CNOT4: variants seen among roughly 807,000 people sequenced by gnomAD.
The protein encoded by CNOT4 is CCR4-NOT transcription complex subunit 4.
CNOT4 carries 8 observed loss-of-function variants against 73.8 expected under a neutral mutation model. The ratio of observed to expected loss-of-function variants is 0.11; its 90% confidence interval spans 0.06 to 0.20. The LOEUF is 0.20. Among genes scored for constraint, CNOT4 ranks in the 10% least tolerant of loss-of-function variants. CNOT4 has a pLI of 1.00. For synonymous variants in CNOT4, 293 were observed against 321.1 expected (o/e 0.91, Z 0.94); for missense variants, 564 against 883.4 (o/e 0.64, Z 4.58).
intron 1 of CNOT4, among the ~76,000 whole-genome samples, chr7:135,457,517 T>C (rs559330023): frequency 4.6e-5 from 7 of 152,080 alleles, no homozygotes; most frequent in Non-Finnish European, 1.0e-4. Context: ...CATTATTACA[T>C]GCTCAGCCTA....
intron 10 of CNOT4, among the ~76,000 whole-genome samples, chr7:135,366,305 T>C (rs1285272363): frequency 6.6e-6 from 1 of 152,236 alleles, no homozygotes. Context: ...ATAAATCTTA[T>C]TTGAAAATTA....
chr7:135,463,486 C>T (rs1463629099), intron 1 of CNOT4, among the ~76,000 whole-genome samples: 3 of 1,530 alleles, frequency 2.0e-3, no homozygotes, highest in South Asian at 0.013. Context: ...TGCAGTGAGC[C>T]GAGATCGCGC....
At chr7:135,388,554 G>T in intron 10 of CNOT4, 1 of 1,095,068 alleles carries the variant, frequency 9.1e-7, no homozygotes, top group South Asian at 4.0e-5. Context: ...TTATGAGTTA[G>T]AAATAGTATC....
chr7:135,508,668 GTCA>G (rs1432650999), intron 1 of CNOT4, among the ~76,000 whole-genome samples: 1 of 152,148 alleles, frequency 6.6e-6, no homozygotes, highest in African/African-American at 2.4e-5. Context: ...TAAATAAAAT[GTCA>G]TCAATTAAGC....
intron 1 of CNOT4, among the ~76,000 whole-genome samples, chr7:135,448,716 G>GTAT (rs1799984854): frequency 6.6e-6 from 1 of 152,040 alleles, no homozygotes; most frequent in Non-Finnish European, 1.5e-5. Flanking sequence ...CAGAAGGAAG[G>GTAT]TATAATGACA....
chr7:135,364,862 A>G lies in CNOT4; in HGVS notation c.1628-796T>C, dbSNP rs1794829316. ...TATAAATTGTGACTAAACTAACTTG[A>G]TCTACTACCATCCAGAATCCACATA... is the stretch of plus-strand genomic sequence containing the variant. On this transcript the variant is annotated intron_variant, in intron 10 of 11. Coordinates refer to ENST00000541284, the MANE Select transcript of CNOT4 (RefSeq NM_001190850.2). The surrounding 1 kb of genome is among the most constrained non-coding windows in gnomAD (Gnocchi z 4.3). Among the ~76,000 whole-genome samples, 1 of 152,248 alleles carries G rather than the reference A, an allele frequency of 6.6e-6. No homozygotes were observed. The highest frequency in any genetic ancestry group is 2.1e-4 in the South Asian group (1 of 4,828).
chr7:135,415,144 G>T (rs780648880), intron 4 of CNOT4, 32 bp downstream of exon 4: 1 of 1,300,764 alleles, frequency 7.7e-7, no homozygotes, highest in Non-Finnish European at 1.1e-6. Flanking sequence ...AGACCATAGG[G>T]AGGAAAAGCA....
chr7:135,401,566 T>A (rs1415800479), intron 7 of CNOT4, among the ~76,000 whole-genome samples: 2 of 152,184 alleles, frequency 1.3e-5, no homozygotes, highest in Non-Finnish European at 2.9e-5. Flanking sequence ...CATTCCATTT[T>A]CAATGGGAGA....
intron 1 of CNOT4, among the ~76,000 whole-genome samples, chr7:135,488,939 G>C (rs1015683577): frequency 1.3e-5 from 2 of 151,818 alleles, no homozygotes; most frequent in Non-Finnish European, 2.9e-5. Context: ...TTTAAAAAAA[G>C]GAAAAAGAAA....
chr7:135,394,291 C>T lies in CNOT4; in HGVS notation c.1254G>A (p.Leu418=), dbSNP rs1796562035. 4 of 1,614,030 alleles carry T rather than the reference C, an allele frequency of 2.5e-6. No individual in the cohort carries two copies. Among genetic ancestry groups the T allele is most frequent in the Non-Finnish European group, 3.4e-6 (4 of 1,180,032 alleles). Residue 418 remains leucine, a synonymous_variant, in exon 10 of 12, where the codon CTG becomes CTA. Transcript: ENST00000541284. ...CTTGAACGGACAGTTCCTTCTCAAT[C>T]AGGTCTGCTAAGGCTTTTCGAGTGA... is the stretch of plus-strand genomic sequence containing the variant. ...FDVTRKALAD[L]IEKELSVQDQ...
intron 7 of CNOT4, among the ~76,000 whole-genome samples, chr7:135,399,573 T>A (rs960255748): frequency 6.6e-6 from 1 of 151,992 alleles, no homozygotes; most frequent in Non-Finnish European, 1.5e-5. Context: ...AGGAAAAAAA[T>A]TAAGATTCCA....
At chr7:135,366,801 T>C (rs899942672) in intron 10 of CNOT4, among the ~76,000 whole-genome samples, 2 of 152,198 alleles carry the variant, frequency 1.3e-5, no homozygotes, top group African/African-American at 2.4e-5. Flanking sequence ...CTATGCCAAG[T>C]GCTGGCACAA....
intron 6 of CNOT4, among the ~76,000 whole-genome samples, chr7:135,411,309 G>A (rs915413556): frequency 6.6e-5 from 10 of 152,014 alleles, no homozygotes; most frequent in South Asian, 2.1e-4. Flanking sequence ...ACATGGTCAT[G>A]CCCATTCATT....
At chr7:135,374,625 A>C (rs1318575270) in intron 10 of CNOT4, among the ~76,000 whole-genome samples, 1 of 76,904 alleles carries the variant, frequency 1.3e-5, no homozygotes, top group Admixed American at 1.6e-4. Flanking sequence ...AACTACAACT[A>C]TTCTTAAATT....
At position 135,421,899 on chromosome 7, in the gene CNOT4, T is replaced by C. The variant is rs145838215; in HGVS notation, c.372+257A>G. Among the ~76,000 whole-genome samples the C allele has an allele frequency of 2.6e-4, 39 of 152,326 alleles. No homozygotes were observed. The East Asian group carries it at 7.1e-3, about 28-fold the overall frequency. On this transcript the variant is annotated intron_variant, in intron 3 of 11. Transcript: ENST00000541284. Reference sequence around the variant, plus strand: ...ATCATTATCCAATTTTCACAGATTGTCAGCACGTTAGAAATCTAGTTCAAC... The same window carrying C: ...ATCATTATCCAATTTTCACAGATTGCCAGCACGTTAGAAATCTAGTTCAAC...
At chr7:135,381,637 CCACACAGCCCCAACAAGAAA>C (rs1430180949) in intron 10 of CNOT4, among the ~76,000 whole-genome samples, 1 of 152,266 alleles carries the variant, frequency 6.6e-6, no homozygotes, top group East Asian at 1.9e-4. Context: ...GCAGCTATTA[CCACACAGCCCCAACAAGAAA>C]CAGACTAAAA....
At chr7:135,418,183 G>GA (rs1158719889) in intron 3 of CNOT4, among the ~76,000 whole-genome samples, 5 of 152,340 alleles carry the variant, frequency 3.3e-5, no homozygotes, top group African/African-American at 1.2e-4. Context: ...CGGTTGATAA[G>GA]AAATAGGCTG....
chr7:135,447,823 G>T (rs527824991), intron 1 of CNOT4, among the ~76,000 whole-genome samples: 1 of 152,188 alleles, frequency 6.6e-6, no homozygotes, highest in Non-Finnish European at 1.5e-5. Context: ...GCGCCCCTCT[G>T]GGTCTGAACA....
intron 2 of CNOT4, among the ~76,000 whole-genome samples, chr7:135,427,272 T>C (rs1798559847): frequency 6.6e-6 from 1 of 152,186 alleles, no homozygotes; most frequent in African/African-American, 2.4e-5. Context: ...TTGCTAAGAC[T>C]TTAATTATTT....
Sources: gnomAD v4.1 joint callset for allele counts (sites outside exome capture counted in the v4.1 genomes callset) on GRCh38, gnomAD v4.1.1 for gene constraint, Gnocchi (gnomAD v3.1) non-coding constraint, MANE v1.5 for transcripts, NCBI Gene and HGNC (gene_info 2026-07-23, HGNC 2026-07-21) for gene names.